Variants in DHX37 observed in about 807,000 individuals in gnomAD.
DHX37 encodes DEAH-box helicase 37.
In DHX37, 52 loss-of-function variants were observed where a neutral mutation model predicts 134.3. The observed-to-expected ratio is 0.39, with a 90% CI of 0.31 to 0.49. The LOEUF (loss-of-function observed/expected upper bound fraction) is 0.49, where lower values mean the gene tolerates loss of function less well. Among genes scored for constraint, DHX37 ranks in the 20% least tolerant of loss-of-function variants. The probability of loss-of-function intolerance (pLI) is 0.93; values close to 1 mark genes in which losing one functional copy is unlikely to be tolerated. For synonymous variants in DHX37, 634 were observed against 670.7 expected, an observed-to-expected ratio of 0.95 and a Z score of 0.85; for missense variants, 1,344 against 1,580.8, an observed-to-expected ratio of 0.85 and a Z score of 2.54.
At chr12:124,963,301 A>G (rs1954305242) in intron 15 of DHX37, among the ~76,000 whole-genome samples, 2 of 152,178 alleles carry the variant, frequency 1.3e-5, no homozygotes, top group South Asian at 4.1e-4. Context: ...TGCCCACAAC[A>G]GGCACATCCC....
In DHX37 at chr12:124,947,530, A is replaced by C; in HGVS notation, c.*272T>G. 2.5e-6 allele frequency: 1 copy of C among 403,634 alleles called. No individual in the cohort carries two copies. Among genetic ancestry groups the C allele is most frequent in the Non-Finnish European group, 4.4e-6 (1 of 226,216 alleles). The allele number at this position is 403,634 out of a possible 1,614,324, so 25.0% of individuals were successfully genotyped here. ...AGGGGACTAATGTAGTCCAAAGAGC[A>C]CACTGAACAGAACAGCGTCCAGCAC... On this transcript the variant is annotated 3_prime_UTR_variant, in exon 27 of 27. Coordinates refer to ENST00000308736, the MANE Select transcript of DHX37 (RefSeq NM_032656.4).
chr12:124,986,111 C>G lies in DHX37; in HGVS notation c.261G>C (p.Lys87Asn), dbSNP rs1356330145. The change falls in exon 2 of 27, where the codon AAG becomes AAC. Residue 87 changes from lysine to asparagine, a missense_variant. By Grantham distance (94) the Lys-to-Asn change is moderately conservative (BLOSUM62 0). Around this residue, in one of 7 missense-constraint regions of DHX37, gnomAD observed 319 missense variants for 296.1 expected, o/e 1.08. Transcript: ENST00000308736. ...TGGGGTGTACCTGGCTCTTTTTCTC[C>G]TTCTGTTCTAAGATTTTCTGCAGCA... ...KKVLQKILEQ[K>N]EKKSQRAEML... is the part of the protein sequence containing the mutation. The G allele has an allele frequency of 1.2e-6, 2 of 1,614,020 alleles. No individual in the cohort carries two copies. Among genetic ancestry groups the G allele is most frequent in the Non-Finnish European group, 1.7e-6 (2 of 1,180,006 alleles).
chr12:124,971,407 C>T lies in DHX37; in HGVS notation c.1086G>A (p.Leu362=). The change falls in exon 8 of 27, where the codon CTG becomes CTA. Residue 362 remains leucine (L), a synonymous_variant. Coordinates refer to ENST00000308736, the MANE Select transcript of DHX37 (RefSeq NM_032656.4). The part of the protein sequence containing the change: ...VLLKEIQKDF[L]LLRYKVVIID... ...TGATCACCACCTTGTACCGCAGCAG[C>T]AGGAAGTCCTGGGGGGAGGTCCGGG... is the stretch of plus-strand genomic sequence containing the variant. The T allele has an allele frequency of 6.2e-7, 1 of 1,613,170 alleles. No homozygotes were observed. The highest frequency in any genetic ancestry group is 1.1e-5 in the South Asian group (1 of 91,026).
chr12:124,975,371 G>GGCCACAGGACCACCCCATAGTCC (rs1954614600), intron 6 of DHX37, 48 bp downstream of exon 6: 2 of 1,593,304 alleles, frequency 1.3e-6, no homozygotes, highest in Non-Finnish European at 1.7e-6. Flanking sequence ...ATCTGGGCAA[G>GGCCACAGGACCACCCCATAGTCC]GCCACAGGAC....
intron 16 of DHX37, among the ~76,000 whole-genome samples, chr12:124,960,031 A>AC (rs1444411868): frequency 3.3e-5 from 5 of 152,220 alleles, no homozygotes; most frequent in Non-Finnish European, 7.4e-5. Flanking sequence ...AGCCGGCAGC[A>AC]CGTTCTGCAC....
chr12:124,948,242 G>C, intron 25 of DHX37, 61 bp from the exon 26 acceptor site: 1 of 1,566,650 alleles, frequency 6.4e-7, no homozygotes, highest in Non-Finnish European at 8.7e-7. Flanking sequence ...CTGCTGCTGG[G>C]GGCCCGAAAG....
chr12:124,958,912 T>TTA (rs1594480378), intron 16 of DHX37, among the ~76,000 whole-genome samples: 1 of 106,108 alleles, frequency 9.4e-6, no homozygotes, highest in East Asian at 2.2e-4. Flanking sequence ...GCACCCAGCT[T>TTA]TTTTTTTTTT....
intron 21 of DHX37, 91 bp from the exon 22 acceptor site, chr12:124,950,895 A>C: frequency 8.4e-6 from 12 of 1,426,834 alleles, no homozygotes; most frequent in Admixed American, 3.3e-5. Context: ...CTGATTATCC[A>C]CTCCAGCCGC....
Position 124,968,951 on chromosome 12 carries a change from C to A in DHX37, c.1209G>T (p.Lys403Asn). The A allele has an allele frequency of 6.2e-7, 1 of 1,614,028 alleles. No homozygotes were observed. The change falls in exon 9 of 27, where the codon AAG becomes AAT. Residue 403 changes from lysine (K) to asparagine (N), a missense_variant. Coordinates refer to ENST00000308736, the MANE Select transcript of DHX37 (RefSeq NM_032656.4). ...GCAGCGTGGCCGACATGATGAGCAG[C>A]TTGAGTGGCAGGTTCCTCTGCAAAA... ...TLRAKRNLPL[K>N]LLIMSATLRV...
chr12:124,953,824 A>T, intron 20 of DHX37, 56 bp downstream of exon 20: 1 of 1,588,066 alleles, frequency 6.3e-7, no homozygotes, highest in East Asian at 2.3e-5. Context: ...AAACATTTCA[A>T]GTGCCCAGGT....
chr12:124,976,605 G>A (rs191898696), intron 5 of DHX37, among the ~76,000 whole-genome samples: 30 of 152,218 alleles, frequency 2.0e-4, no homozygotes, highest in East Asian at 1.4e-3. Flanking sequence ...CGAGGCAGGC[G>A]GATCACGAGG....
rs1484477770 is a variant in DHX37, at chr12:124,964,508, C to T, written c.1931G>A (p.Arg644His). 6.2e-7 allele frequency: 1 copy of T among 1,614,190 alleles called. No homozygotes were observed. Among genetic ancestry groups the T allele is most frequent in the Non-Finnish European group, 8.5e-7 (1 of 1,180,016 alleles). Residue 644 changes from arginine (R) to histidine (H), a missense_variant, in exon 15 of 27, where the codon CGC becomes CAC. By Grantham distance (29) the Arg-to-His change is conservative. Around this residue, in one of 7 missense-constraint regions of DHX37, gnomAD observed 39 missense variants for 87.9 expected, o/e 0.44. Coordinates refer to ENST00000308736, the MANE Select transcript of DHX37 (RefSeq NM_032656.4). ...TACGCCAGTGACGCGGTCGTAGTAG[C>T]GTTTCTTGACCTTCCCACAGTCCAC... is the stretch of plus-strand genomic sequence containing the variant. ...YVVDCGKVKK[R>H]YYDRVTGVSS... is the part of the protein sequence containing the mutation.
At chr12:124,972,456 C>G (rs376725150) in intron 7 of DHX37, 47 bp downstream of exon 7, 266 of 1,600,732 alleles carry the variant, frequency 1.7e-4, no homozygotes, top group Non-Finnish European at 2.2e-4. Flanking sequence ...AGCATCCCGC[C>G]CCCATGCCCA....
In DHX37 at chr12:124,957,111, G is replaced by T; in HGVS notation, c.2182C>A (p.Pro728Thr). The T allele has an allele frequency of 1.3e-6, 2 of 1,497,320 alleles. No homozygotes were observed. Among genetic ancestry groups the T allele is most frequent in the Non-Finnish European group, 8.9e-7 (1 of 1,126,292 alleles). The allele number at this position is 1,497,320 out of a possible 1,614,324, so 92.8% of individuals were successfully genotyped here. The change falls in exon 17 of 27, where the codon CCC becomes ACC. Residue 728 changes from proline to threonine, a missense_variant. Around this residue, in one of 7 missense-constraint regions of DHX37, gnomAD observed 558 missense variants for 650.0 expected, o/e 0.86. Transcript: ENST00000308736. The stretch of plus-strand genomic sequence containing the variant: ...GCAAGAAGGGCTTCCACGGAGGGGG[G>T]CGTCGGGAAGGGGAAGTTGATGACC... ...EKVINFPFPT[P>T]PSVEALLAAE...
chr12:124,963,261 C>T (rs553666557), intron 15 of DHX37, among the ~76,000 whole-genome samples: 1 of 152,316 alleles, frequency 6.6e-6, no homozygotes, highest in South Asian at 2.1e-4. Context: ...GGGGCCACAC[C>T]TTGTATGACT....
chr12:124,972,710 C>T lies in DHX37; in HGVS notation c.981-111G>A, dbSNP rs186718415. 7.6e-4 allele frequency: 719 copies of T among 947,406 alleles called. 5 individuals are homozygous for T. In the African/African-American group the frequency reaches 9.7e-3, roughly 13 times the overall value. 58.7% of individuals were successfully genotyped at this position (947,406 alleles called of 1,614,324 possible). On this transcript the variant is annotated intron_variant, in intron 6 of 26. Transcript: ENST00000308736. The stretch of plus-strand genomic sequence containing the variant: ...AGGCAGGCGGCTTGAGGGCAGGGCC[C>T]GCTGGCAACCTGAAACAAGTCCCAG...
At chr12:124,959,135 A>G (rs11831352) in intron 16 of DHX37, among the ~76,000 whole-genome samples, 22,118 of 144,840 alleles carry the variant, frequency 0.15, 4,332 homozygotes, top group African/African-American at 0.47. Flanking sequence ...GTGCAATGGC[A>G]CAATCTCGGC....
In DHX37 at chr12:124,981,930, C is replaced by A. The variant is rs188816606; in HGVS notation, c.389+581G>T. Among the ~76,000 whole-genome samples the A allele has an allele frequency of 1.7e-3, 262 of 151,738 alleles. 2 individuals carry two copies. The highest frequency in any genetic ancestry group is 6.2e-3 in the African/African-American group (256 of 41,464). ...CCCAAGGTTGGGAGTTCGAGACCAG[C>A]CTGACCAACATGGAGAAACCCCGTC... On this transcript the variant is annotated intron_variant, in intron 3 of 26. Transcript: ENST00000308736.
intron 23 of DHX37, 84 bp from the exon 24 acceptor site, chr12:124,950,327 G>A (rs1006890396): frequency 4.8e-5 from 77 of 1,603,056 alleles, no homozygotes; most frequent in South Asian, 1.7e-4. Context: ...AGACACACAC[G>A]TCCGGGGGCA....
Sources: gnomAD v4.1 joint callset for allele counts (sites outside exome capture counted in the v4.1 genomes callset) on GRCh38, gnomAD v4.1.1 for gene constraint, gnomAD v4.1.1 regional missense constraint, MANE v1.5 for transcripts, NCBI Gene and HGNC (gene_info 2026-07-23, HGNC 2026-07-21) for gene names.